The following ANO3 variants were observed in gnomAD, a reference collection of about 807,000 sequenced individuals.
ANO3 encodes anoctamin-3.
ANO3 carries 99 observed loss-of-function variants against 144.8 expected under a neutral mutation model. That is an observed-to-expected ratio of 0.68 (90% confidence interval 0.58 to 0.81). The LOEUF is 0.81. Ranked by LOEUF, ANO3 falls within the 30% of genes least tolerant of loss-of-function variation. ANO3 has a pLI of 0.00. For synonymous variants in ANO3, 414 were observed against 392.6 expected (o/e 1.05, Z -0.64); for missense variants, 905 against 1,202.2 (o/e 0.75, Z 3.66).
At chr11:26,470,268 C>T (rs906599175) in intron 4 of ANO3, among the ~76,000 whole-genome samples, 3 of 151,416 alleles carry the variant, frequency 2.0e-5, no homozygotes, top group Non-Finnish European at 2.9e-5. Context: ...AAAAATGATC[C>T]GGGTATGGTG....
At chr11:26,370,223 G>C (rs1856210277) in intron 1 of ANO3, among the ~76,000 whole-genome samples, 1 of 152,154 alleles carries the variant, frequency 6.6e-6, no homozygotes, top group South Asian at 2.1e-4. Context: ...CTGATAGTAA[G>C]TTTTAATGAG....
intron 1 of ANO3, among the ~76,000 whole-genome samples, chr11:26,224,257 C>T (rs1852210610): frequency 6.6e-6 from 1 of 152,186 alleles, no homozygotes; most frequent in South Asian, 2.1e-4. Flanking sequence ...ATGCACAGGG[C>T]CAACAGGCCC....
chr11:26,388,639 C>T (rs2126185), intron 1 of ANO3, among the ~76,000 whole-genome samples: 82,164 of 151,858 alleles, frequency 0.54, 23,296 homozygotes, highest in East Asian at 0.69. Flanking sequence ...CTAAGGAAAC[C>T]GAGGCAGAGA....
At chr11:26,257,061 T>G (rs1015414591) in intron 1 of ANO3, among the ~76,000 whole-genome samples, 1 of 152,068 alleles carries the variant, frequency 6.6e-6, no homozygotes, top group Non-Finnish European at 1.5e-5. Flanking sequence ...AGATGCATAT[T>G]TTACCTAAAA....
intron 1 of ANO3, among the ~76,000 whole-genome samples, chr11:26,379,547 T>C (rs1168909371): frequency 1.3e-5 from 2 of 151,996 alleles, no homozygotes; most frequent in Non-Finnish European, 2.9e-5. Flanking sequence ...TTTAGGAGGC[T>C]GAGGTGGGTG....
chr11:26,630,002 G>A (rs752110156), intron 18 of ANO3, among the ~76,000 whole-genome samples: 1 of 152,112 alleles, frequency 6.6e-6, no homozygotes, highest in Non-Finnish European at 1.5e-5. Flanking sequence ...ATTTTTACTT[G>A]CGCTGTCCTT....
chr11:26,560,124 A>T (rs1320601574), intron 14 of ANO3: 1 of 202,068 alleles, frequency 4.9e-6, no homozygotes, highest in Non-Finnish European at 1.0e-5. Flanking sequence ...CTCAGTAAAA[A>T]GTTGTTTGAT....
chr11:26,425,377 C>G (rs1187612176), intron 1 of ANO3, among the ~76,000 whole-genome samples: 1 of 152,014 alleles, frequency 6.6e-6, no homozygotes, highest in Non-Finnish European at 1.5e-5. Context: ...AGGGCTTGCA[C>G]TTCGGTATCT....
intron 24 of ANO3, among the ~76,000 whole-genome samples, chr11:26,648,556 G>A (rs1054512635): frequency 3.3e-5 from 5 of 151,910 alleles, no homozygotes; most frequent in African/African-American, 9.7e-5. Context: ...CCAAGTTGTG[G>A]CAACCATAAT....
At chr11:26,342,153 C>T (rs1022684461) in intron 1 of ANO3, among the ~76,000 whole-genome samples, 1 of 152,062 alleles carries the variant, frequency 6.6e-6, no homozygotes, top group Non-Finnish European at 1.5e-5. Flanking sequence ...GTGACACAAC[C>T]GGGAGTGGTG....
chr11:26,557,495 C>T (rs1284938726), intron 13 of ANO3, among the ~76,000 whole-genome samples: 3 of 151,586 alleles, frequency 2.0e-5, no homozygotes, highest in African/African-American at 7.3e-5. Context: ...AAAATGCTTG[C>T]CATGGGTCCC....
intron 7 of ANO3, among the ~76,000 whole-genome samples, chr11:26,530,145 G>A (rs962180064): frequency 4.6e-5 from 7 of 152,154 alleles, no homozygotes. Flanking sequence ...GTTCCACATT[G>A]TTAATTACCA....
intron 6 of ANO3, among the ~76,000 whole-genome samples, chr11:26,519,902 A>T (rs1283814536): frequency 3.4e-5 from 2 of 59,272 alleles, no homozygotes; most frequent in Non-Finnish European, 8.0e-5. Flanking sequence ...TCTTATAGAG[A>T]CAATGGGAAC....
At chr11:26,333,578 G>T (rs781322656) in intron 1 of ANO3, among the ~76,000 whole-genome samples, 1 of 152,050 alleles carries the variant, frequency 6.6e-6, no homozygotes, top group Non-Finnish European at 1.5e-5. Context: ...CACTGTACCC[G>T]GCCCTTGACT....
intron 1 of ANO3, among the ~76,000 whole-genome samples, chr11:26,289,527 T>C (rs59806760): frequency 0.083 from 11,346 of 137,238 alleles, 1,166 homozygotes; most frequent in African/African-American, 0.23. Context: ...CATATATACA[T>C]ATATAGAATA....
chr11:26,625,035 C>G (rs1400508916), intron 18 of ANO3, among the ~76,000 whole-genome samples: 2 of 152,044 alleles, frequency 1.3e-5, no homozygotes, highest in Non-Finnish European at 2.9e-5. Context: ...CGCCATTCTC[C>G]GGCCTCAGCC....
intron 14 of ANO3, among the ~76,000 whole-genome samples, chr11:26,595,487 T>TA (rs1590607320): frequency 6.8e-5 from 9 of 132,554 alleles, no homozygotes; most frequent in Non-Finnish European, 1.3e-4. Context: ...TTTTTTTTTT[T>TA]ATTCTGTAAG....
chr11:26,347,571 C>G (rs1216985921), intron 1 of ANO3, among the ~76,000 whole-genome samples: 2 of 152,178 alleles, frequency 1.3e-5, no homozygotes, highest in Non-Finnish European at 2.9e-5. Flanking sequence ...AGGAATATAT[C>G]TCTGCTTGTT....
At chr11:26,440,299 T>G (rs974220184) in intron 1 of ANO3, among the ~76,000 whole-genome samples, 1 of 152,162 alleles carries the variant, frequency 6.6e-6, no homozygotes, top group African/African-American at 2.4e-5. Context: ...ACTGGATAAT[T>G]TATAAAGAAA....
Sources: gnomAD v4.1 joint callset for allele counts (sites outside exome capture counted in the v4.1 genomes callset) on GRCh38, gnomAD v4.1.1 for gene constraint, MANE v1.5 for transcripts, NCBI Gene and HGNC (gene_info 2026-07-23, HGNC 2026-07-21) for gene names.